Variants in CHDH observed in about 807,000 individuals in gnomAD.
CHDH encodes the protein choline dehydrogenase.
CHDH carries 43 observed loss-of-function variants against 56.9 expected under a neutral mutation model. The observed-to-expected ratio is 0.76, with a 90% confidence interval of 0.59 to 0.97. CHDH has a LOEUF of 0.97. CHDH is among the 50% of genes least tolerant of loss of function. The pLI, the probability that CHDH is intolerant of heterozygous loss-of-function variation, is 0.00. For missense variants in CHDH, 816 were observed against 821.1 expected, an observed-to-expected ratio of 0.99 and a Z score of 0.08; for synonymous variants, 364 against 348.5, an observed-to-expected ratio of 1.04 and a Z score of -0.50.
intron 4 of CHDH, 48 bp downstream of exon 4, chr3:53,822,443 G>T (rs2095628918): frequency 3.2e-6 from 5 of 1,556,708 alleles, no homozygotes; most frequent in African/African-American, 1.3e-5. Flanking sequence ...GACCACCAGG[G>T]TCACTGCCCA....
intron 2 of CHDH, among the ~76,000 whole-genome samples, chr3:53,827,472 A>G (rs754510139): frequency 1.4e-5 from 2 of 147,770 alleles, no homozygotes; most frequent in Non-Finnish European, 2.9e-5. Context: ...AAAAGACTAA[A>G]TATACCATCT....
chr3:53,820,636 A>G, intron 5 of CHDH, 28 bp from the exon 6 acceptor site: 2 of 1,598,704 alleles, frequency 1.3e-6, no homozygotes, highest in South Asian at 2.3e-5. Flanking sequence ...GGTTTAGAAA[A>G]TGGCTACCAA....
intron 4 of CHDH, 140 bp downstream of exon 4, chr3:53,822,351 C>T (rs2095628673): frequency 1.3e-6 from 1 of 753,022 alleles, no homozygotes; most frequent in East Asian, 2.7e-5. Flanking sequence ...CTGCCATCAG[C>T]TACTCGCCCC....
chr3:53,843,102 C>T (rs1408764508), intron 1 of CHDH, among the ~76,000 whole-genome samples: 4 of 151,594 alleles, frequency 2.6e-5, no homozygotes, highest in Non-Finnish European at 5.9e-5. Flanking sequence ...AGGGATGGAT[C>T]AGGCAAAGAA....
chr3:53,843,927 T>C (rs1246976838), intron 1 of CHDH, among the ~76,000 whole-genome samples: 1 of 152,174 alleles, frequency 6.6e-6, no homozygotes, highest in African/African-American at 2.4e-5. Flanking sequence ...GGCAGCCAAA[T>C]AAATTGTGTG....
At position 53,819,319 on chromosome 3, in the gene CHDH, C is replaced by T. The variant is rs2095621625; in HGVS notation, c.1263+213G>A. Among the ~76,000 whole-genome samples, 1 of 152,222 alleles carries T rather than the reference C, an allele frequency of 6.6e-6. No individual in the cohort carries two copies. Among genetic ancestry groups the T allele is most frequent in the Non-Finnish European group, 1.5e-5 (1 of 68,038 alleles). On this transcript the variant is annotated intron_variant, in intron 7 of 8. Coordinates refer to ENST00000315251, the MANE Select transcript of CHDH (RefSeq NM_018397.5). The surrounding 1 kb of genome is among the most constrained non-coding windows in gnomAD (Gnocchi z 5.4). ...CCCTCTGTTTGTCCCATTTCTGGTG[C>T]TCGGTACCTAGCCTGCATGAAACAG...
chr3:53,835,358 GTTACT>G (rs1698463487), intron 2 of CHDH, among the ~76,000 whole-genome samples: 1 of 152,214 alleles, frequency 6.6e-6, no homozygotes, highest in Non-Finnish European at 1.5e-5. Flanking sequence ...AGCCCAGAAA[GTTACT>G]TTACAGCCCT....
At chr3:53,831,008 G>C (rs543616562) in intron 2 of CHDH, among the ~76,000 whole-genome samples, 3 of 152,148 alleles carry the variant, frequency 2.0e-5, no homozygotes, top group African/African-American at 7.2e-5. Context: ...TGGCCTTTCC[G>C]GACCAACCCT....
At chr3:53,827,460 A>G (rs2106968510) in intron 2 of CHDH, among the ~76,000 whole-genome samples, 1 of 151,318 alleles carries the variant, frequency 6.6e-6, no homozygotes, top group South Asian at 2.1e-4. Context: ...TAGCAATGAG[A>G]GAAAAGACTA....
At chr3:53,843,206 G>GTTTTTTTTT (rs1263452743) in intron 1 of CHDH, among the ~76,000 whole-genome samples, 1 of 123,672 alleles carries the variant, frequency 8.1e-6, no homozygotes. Context: ...TTTTTTTTTG[G>GTTTTTTTTT]TTCTGCCTCT....
chr3:53,822,376 C>T, intron 4 of CHDH, 115 bp downstream of exon 4: 4 of 997,496 alleles, frequency 4.0e-6, no homozygotes, highest in Non-Finnish European at 5.9e-6. Flanking sequence ...CCCGCCATCA[C>T]AGGGATGAGC....
intron 8 of CHDH, among the ~76,000 whole-genome samples, chr3:53,818,509 G>T (rs945742343): frequency 1.3e-5 from 2 of 152,172 alleles, no homozygotes; most frequent in African/African-American, 4.8e-5. Context: ...GTGGGGCTGT[G>T]AGCACCCTGC....
At chr3:53,835,562 GC>G in intron 2 of CHDH, among the ~76,000 whole-genome samples, 1 of 152,332 alleles carries the variant, frequency 6.6e-6, no homozygotes, top group East Asian at 1.9e-4. Flanking sequence ...CAGGTCACCT[GC>G]TTTTTTCCAT....
chr3:53,822,741 T>A (rs560966771), intron 3 of CHDH, 99 bp from the exon 4 acceptor site: 1 of 1,416,036 alleles, frequency 7.1e-7, no homozygotes, highest in East Asian at 2.4e-5. Flanking sequence ...TATGCCCAGC[T>A]CTGACTGCAA....
intron 2 of CHDH, among the ~76,000 whole-genome samples, chr3:53,832,688 G>A (rs1300516070): frequency 6.6e-6 from 1 of 152,148 alleles, no homozygotes; most frequent in Non-Finnish European, 1.5e-5. Context: ...AGTGAAATAA[G>A]CCAGACACCA....
At position 53,823,759 on chromosome 3, in the gene CHDH, G is replaced by A. The variant is rs1357346904; in HGVS notation, c.250C>T (p.Leu84Phe). ...PKDVLAGSKR[L>F]SWKIHMPAAL... ...GCGGGCATGTGGATCTTCCACGAGAGCCGCTTGCTCCCCGCGAGCACGTCC... is the reference window on the plus strand; with the variant it reads ...GCGGGCATGTGGATCTTCCACGAGAACCGCTTGCTCCCCGCGAGCACGTCC... The change falls in exon 3 of 9, where the codon CTC becomes TTC. Residue 84 changes from leucine (L) to phenylalanine (F), a missense_variant. Leu to Phe is a conservative substitution (Grantham distance 22). Transcript: ENST00000315251. 5.1e-6 allele frequency: 8 copies of A among 1,560,226 alleles called. No homozygotes were observed. The Middle Eastern group carries it at 7.1e-4, about 138-fold the overall frequency.
Position 53,817,650 on chromosome 3 carries a change from CT to C in CHDH, c.*126del, listed in dbSNP as rs2095618142. The C allele has an allele frequency of 1.4e-6, 1 of 729,856 alleles. No individual in the cohort carries two copies. The highest frequency in any genetic ancestry group is 2.2e-6 in the Non-Finnish European group (1 of 453,154). 45.2% of individuals were successfully genotyped at this position (729,856 alleles called of 1,614,324 possible). Reference sequence around the variant, plus strand: ...CAAGACTTTATCCAATTCTCAGCCACTGAGTAGGGTACCACCTGGGTCCTAG... The same window carrying C: ...CAAGACTTTATCCAATTCTCAGCCACGAGTAGGGTACCACCTGGGTCCTAG... On this transcript the variant is annotated 3_prime_UTR_variant, in exon 9 of 9. Transcript: ENST00000315251.
intron 2 of CHDH, among the ~76,000 whole-genome samples, chr3:53,830,073 G>C (rs1307174006): frequency 6.6e-6 from 1 of 152,008 alleles, no homozygotes; most frequent in Non-Finnish European, 1.5e-5. Flanking sequence ...ACAAAACATT[G>C]ACAGAAGTTA....
At chr3:53,832,988 G>C (rs913231087) in intron 2 of CHDH, among the ~76,000 whole-genome samples, 1 of 152,188 alleles carries the variant, frequency 6.6e-6, no homozygotes. Flanking sequence ...ATCTATGAAG[G>C]GGAAAGGTAT....
Sources: allele counts gnomAD v4.1 joint callset (sites outside exome capture counted in the v4.1 genomes callset), GRCh38; gene constraint gnomAD v4.1.1; non-coding constraint Gnocchi (gnomAD v3.1); transcripts MANE v1.5; gene names NCBI Gene and HGNC (gene_info 2026-07-23, HGNC 2026-07-21).